Variants in ZMAT4 observed in about 807,000 individuals in gnomAD.
The protein encoded by ZMAT4 is zinc finger matrin-type protein 4.
ZMAT4 carries 17 observed loss-of-function variants against 28.7 expected under a neutral mutation model. That is an observed-to-expected ratio of 0.59 (90% CI 0.41 to 0.89). ZMAT4 has a LOEUF of 0.89. Among genes scored for constraint, ZMAT4 ranks in the 40% least tolerant of loss-of-function variants. The pLI, the probability that ZMAT4 is intolerant of heterozygous loss-of-function variation, is 0.00. For synonymous variants in ZMAT4, 117 were observed against 109.2 expected (o/e 1.07, Z -0.44); for missense variants, 240 against 283.8 (o/e 0.85, Z 1.11).
At chr8:40,642,112 A>C (rs1446842030) in intron 5 of ZMAT4, among the ~76,000 whole-genome samples, 1 of 152,200 alleles carries the variant, frequency 6.6e-6, no homozygotes, top group Non-Finnish European at 1.5e-5. Context: ...TTAAATTTGA[A>C]TTTTGGATAA....
At chr8:40,675,073 A>G in intron 4 of ZMAT4, 142 bp from the exon 5 acceptor site, 1 of 542,008 alleles carries the variant, frequency 1.8e-6, no homozygotes, top group South Asian at 3.9e-5. Context: ...CAGGAAAATT[A>G]GCCCTGCCAG....
chr8:40,542,804 C>T (rs963184369), intron 6 of ZMAT4, among the ~76,000 whole-genome samples: 1 of 152,162 alleles, frequency 6.6e-6, no homozygotes, highest in Non-Finnish European at 1.5e-5. Flanking sequence ...GATGATCAAT[C>T]AACACAATGG....
intron 5 of ZMAT4, among the ~76,000 whole-genome samples, chr8:40,613,180 C>CTTTCTTTTTTTTTTTT (rs71224837): frequency 4.1e-4 from 33 of 79,974 alleles, no homozygotes; most frequent in Admixed American, 1.0e-3. Flanking sequence ...TACTTTCTTT[C>CTTTCTTTTTTTTTTTT]TTTTTTTTTT....
intron 3 of ZMAT4, among the ~76,000 whole-genome samples, chr8:40,724,313 C>G (rs1811233346): frequency 6.6e-6 from 1 of 152,112 alleles, no homozygotes; most frequent in Non-Finnish European, 1.5e-5. Flanking sequence ...TATGGTGGAC[C>G]AAAGTCACAT....
chr8:40,639,023 CG>C (rs1806901878), intron 5 of ZMAT4, among the ~76,000 whole-genome samples: 1 of 152,158 alleles, frequency 6.6e-6, no homozygotes. Flanking sequence ...TCTGTGCTGG[CG>C]GACTGCAGGA....
chr8:40,824,728 GAAA>G (rs1815966893), intron 2 of ZMAT4, among the ~76,000 whole-genome samples: 4 of 142,186 alleles, frequency 2.8e-5, no homozygotes, highest in African/African-American at 1.0e-4. Context: ...AAGAAAGAAA[GAAA>G]GAAGAAAGAA....
At chr8:40,767,540 C>G (rs1293443472) in intron 3 of ZMAT4, 101 bp downstream of exon 3, 1 of 945,936 alleles carries the variant, frequency 1.1e-6, no homozygotes, top group Admixed American at 3.0e-5. Context: ...ACTCACTCAG[C>G]TTTTCTATGA....
Position 40,700,406 on chromosome 8 carries a change from C to CTTTTTTTTTTTTTTT in ZMAT4, c.193-3006_193-3005insAAAAAAAAAAAAAAA, listed in dbSNP as rs749363248. Among the ~76,000 whole-genome samples, 8 of 60,768 alleles carry CTTTTTTTTTTTTTTT rather than the reference C, an allele frequency of 1.3e-4. 4 individuals are homozygous for CTTTTTTTTTTTTTTT. The highest frequency in any genetic ancestry group is 2.3e-4 in the African/African-American group (4 of 17,262). The allele number at this position is 60,768 out of a possible 152,430, so 39.9% of individuals were successfully genotyped here. ...TCACTTCCTTGAGGGGAAGCTGCTGCTTTTCTTTTTTTTTTTTTTTTTTTT... is the reference window on the plus strand; with the variant it reads ...TCACTTCCTTGAGGGGAAGCTGCTGCTTTTTTTTTTTTTTTTTTTCTTTTTTTTTTTTTTTTTTTT... On this transcript the variant is annotated intron_variant, in intron 3 of 6. Coordinates refer to ENST00000297737, the MANE Select transcript of ZMAT4 (RefSeq NM_024645.3).
rs1296073931 is a variant in ZMAT4, at chr8:40,753,637, G to A, written c.192+14004C>T. On this transcript the variant is annotated intron_variant, in intron 3 of 6. Coordinates refer to ENST00000297737, the MANE Select transcript of ZMAT4 (RefSeq NM_024645.3). ...TCAGCACACTGCCTGACTCTTGGTA[G>A]GCAAGCAATTAATATTTTCTGAATG... 2.6e-5 allele frequency among the ~76,000 whole-genome samples: 4 copies of A among 152,162 alleles called. No homozygotes were observed. In the East Asian group the frequency reaches 7.7e-4, roughly 29 times the overall value.
At chr8:40,779,486 C>G (rs1215419474) in intron 2 of ZMAT4, among the ~76,000 whole-genome samples, 2 of 152,028 alleles carry the variant, frequency 1.3e-5, no homozygotes, top group East Asian at 3.9e-4. Context: ...GCACGCAAAG[C>G]ACCCACTCCT....
chr8:40,760,267 C>T (rs1200820501), intron 3 of ZMAT4, among the ~76,000 whole-genome samples: 1 of 152,230 alleles, frequency 6.6e-6, no homozygotes, highest in Non-Finnish European at 1.5e-5. Flanking sequence ...GACATTCCCC[C>T]TATTGCAATA....
intron 6 of ZMAT4, 77 bp downstream of exon 6, chr8:40,581,088 T>C: frequency 1.7e-6 from 2 of 1,177,256 alleles, no homozygotes; most frequent in East Asian, 2.4e-5. Context: ...TAGAAATAGA[T>C]GAAATGTTGA....
chr8:40,798,549 T>A (rs568300753), intron 2 of ZMAT4, among the ~76,000 whole-genome samples: 1 of 152,298 alleles, frequency 6.6e-6, no homozygotes, highest in Admixed American at 6.5e-5. Context: ...TGACTTTCCA[T>A]ATGCTGCATA....
At chr8:40,634,851 C>G (rs556035524) in intron 5 of ZMAT4, among the ~76,000 whole-genome samples, 2 of 152,280 alleles carry the variant, frequency 1.3e-5, no homozygotes, top group South Asian at 2.1e-4. Context: ...GATACTGATG[C>G]GTGATTTATT....
chr8:40,733,101 G>A (rs116295174), intron 3 of ZMAT4, among the ~76,000 whole-genome samples: 163 of 152,032 alleles, frequency 1.1e-3, no homozygotes, highest in African/African-American at 3.8e-3. Context: ...CTCCTGAGTA[G>A]CTGGGCTTAC....
At chr8:40,793,246 A>C (rs1814439516) in intron 2 of ZMAT4, among the ~76,000 whole-genome samples, 1 of 152,238 alleles carries the variant, frequency 6.6e-6, no homozygotes, top group South Asian at 2.1e-4. Flanking sequence ...ACTGAGCACA[A>C]AAATAAGTCT....
At chr8:40,779,698 G>C (rs1813751213) in intron 2 of ZMAT4, among the ~76,000 whole-genome samples, 1 of 152,118 alleles carries the variant, frequency 6.6e-6, no homozygotes, top group Non-Finnish European at 1.5e-5. Context: ...GTGCTTCCTA[G>C]GAAAATGGAT....
intron 6 of ZMAT4, among the ~76,000 whole-genome samples, chr8:40,568,983 A>T (rs1266280988): frequency 6.6e-6 from 1 of 152,216 alleles, no homozygotes; most frequent in Non-Finnish European, 1.5e-5. Context: ...GTTAAAAGGT[A>T]CAATCATCTC....
intron 3 of ZMAT4, among the ~76,000 whole-genome samples, chr8:40,713,921 CAAAA>C (rs532317102): frequency 2.0e-5 from 1 of 50,030 alleles, no homozygotes; most frequent in African/African-American, 6.7e-5. Context: ...AAAACAAAAC[CAAAA>C]AAAAAAAAAA....
Sources: allele counts gnomAD v4.1 joint callset (sites outside exome capture counted in the v4.1 genomes callset), GRCh38; gene constraint gnomAD v4.1.1; transcripts MANE v1.5; gene names NCBI Gene and HGNC (gene_info 2026-07-23, HGNC 2026-07-21).